NAV2: variants seen among roughly 807,000 people sequenced by gnomAD.
NAV2 encodes the protein neuron navigator 2.
NAV2 carries 54 observed loss-of-function variants against 223.2 expected under a neutral mutation model. That is an observed-to-expected ratio of 0.24 (90% CI 0.19 to 0.30). The LOEUF (loss-of-function observed/expected upper bound fraction) is 0.30. NAV2 is among the 10% of genes least tolerant of loss of function. The pLI, the probability that NAV2 is intolerant of heterozygous loss-of-function variation, is 1.00. For synonymous variants in NAV2, 1,279 were observed against 1,239.3 expected (o/e 1.03, Z -0.67); for missense variants, 2,806 against 3,147.5 (o/e 0.89, Z 2.60).
chr11:19,617,606 G>T (rs886069377), intron 1 of NAV2, among the ~76,000 whole-genome samples: 1 of 152,162 alleles, frequency 6.6e-6, no homozygotes. Context: ...GATTAAATAT[G>T]GTAGGTGTGA....
chr11:19,601,960 C>A (rs1353188206), intron 1 of NAV2, among the ~76,000 whole-genome samples: 1 of 152,188 alleles, frequency 6.6e-6, no homozygotes, highest in East Asian at 1.9e-4. Context: ...TCCTACACTG[C>A]CCAGCTCTGA....
At chr11:19,661,373 A>G (rs2048278796) in intron 1 of NAV2, among the ~76,000 whole-genome samples, 1 of 152,078 alleles carries the variant, frequency 6.6e-6, no homozygotes, top group Non-Finnish European at 1.5e-5. Flanking sequence ...GGTTGCTTCT[A>G]TATTTTGGCT....
chr11:19,400,362 C>T (rs1849632662), intron 1 of NAV2, among the ~76,000 whole-genome samples: 1 of 152,164 alleles, frequency 6.6e-6, no homozygotes, highest in Non-Finnish European at 1.5e-5. Context: ...AAGGTCCTAA[C>T]CGTGTGATAA....
chr11:19,825,289 CTCAAAAAAAAA>C (rs2059588713), intron 1 of NAV2, among the ~76,000 whole-genome samples: 1 of 52,190 alleles, frequency 1.9e-5, no homozygotes, highest in African/African-American at 8.3e-5. Context: ...GAGACTCTGT[CTCAAAAAAAAA>C]AAAAAAAAAA....
chr11:19,570,965 G>C (rs1397920868), intron 1 of NAV2, among the ~76,000 whole-genome samples: 2 of 152,158 alleles, frequency 1.3e-5, no homozygotes, highest in African/African-American at 4.8e-5. Context: ...GAGAACAAGT[G>C]TTTAAAAAAT....
intron 1 of NAV2, among the ~76,000 whole-genome samples, chr11:19,565,719 C>G (rs2045245834): frequency 1.3e-5 from 2 of 152,154 alleles, no homozygotes; most frequent in Non-Finnish European, 2.9e-5. Flanking sequence ...TTGAATACAC[C>G]ATTAAAATAA....
chr11:19,892,317 C>A, intron 5 of NAV2, 117 bp from the exon 6 acceptor site: 1 of 969,704 alleles, frequency 1.0e-6, no homozygotes, highest in Non-Finnish European at 1.5e-6. Flanking sequence ...ACTGGCAAAC[C>A]TCCACACAAT....
At chr11:19,577,431 C>T (rs993372205) in intron 1 of NAV2, among the ~76,000 whole-genome samples, 1 of 152,242 alleles carries the variant, frequency 6.6e-6, no homozygotes, top group Non-Finnish European at 1.5e-5. Context: ...AGATCTGCCA[C>T]GAGGGCGCAG....
chr11:19,880,849 G>GA (rs1363563057), intron 5 of NAV2, among the ~76,000 whole-genome samples: 4 of 151,902 alleles, frequency 2.6e-5, no homozygotes, highest in South Asian at 2.1e-4. Flanking sequence ...CTTAATGGTA[G>GA]AAAAAAAAGG....
In NAV2 at chr11:20,018,485, T is replaced by C. The variant is rs545892302; in HGVS notation, c.2769-17474T>C. Among the ~76,000 whole-genome samples the C allele has an allele frequency of 1.7e-4, 26 of 152,160 alleles. No homozygotes were observed. In the South Asian group the frequency reaches 5.2e-3, roughly 30 times the overall value. ...CCTGGAAATTCTGTGTAAAATATTGTTTGTGTATCTTTTTTCTTATGGAGA... is the reference window on the plus strand; with the variant it reads ...CCTGGAAATTCTGTGTAAAATATTGCTTGTGTATCTTTTTTCTTATGGAGA... On this transcript the variant is annotated intron_variant, in intron 11 of 37. Coordinates refer to ENST00000349880, the MANE Select transcript of NAV2 (RefSeq NM_145117.5).
At chr11:19,751,046 T>C (rs2053764379) in intron 1 of NAV2, among the ~76,000 whole-genome samples, 1 of 152,198 alleles carries the variant, frequency 6.6e-6, no homozygotes. Flanking sequence ...TCACATTCAG[T>C]GACATCATGT....
intron 6 of NAV2, among the ~76,000 whole-genome samples, chr11:19,918,550 GT>G (rs2044001001): frequency 1.3e-5 from 2 of 152,206 alleles, no homozygotes; most frequent in Admixed American, 1.3e-4. Context: ...CAACATTCTG[GT>G]TGAGTTATAT....
intron 3 of NAV2, among the ~76,000 whole-genome samples, chr11:19,863,283 C>T (rs2625324): frequency 0.89 from 135,483 of 152,222 alleles, 60,388 homozygotes; most frequent in East Asian, 1. Context: ...GTGGCCCCAT[C>T]TACTCTTGTC....
intron 1 of NAV2, among the ~76,000 whole-genome samples, chr11:19,421,787 T>TTTTTG (rs58142247): frequency 5.4e-5 from 8 of 147,198 alleles, no homozygotes; most frequent in East Asian, 4.0e-4. Flanking sequence ...TTTTTTTTTT[T>TTTTTG]GCCCAAGCAT....
At chr11:19,487,699 T>C (rs2042489788) in intron 1 of NAV2, among the ~76,000 whole-genome samples, 1 of 152,172 alleles carries the variant, frequency 6.6e-6, no homozygotes, top group Non-Finnish European at 1.5e-5. Flanking sequence ...AACTGATTCA[T>C]GCCAACAACC....
intron 1 of NAV2, among the ~76,000 whole-genome samples, chr11:19,657,969 A>T (rs1404361396): frequency 6.6e-6 from 1 of 152,230 alleles, no homozygotes; most frequent in Non-Finnish European, 1.5e-5. Context: ...TAACAATAAT[A>T]ATAGATCAGG....
In NAV2 at chr11:19,845,670, C is replaced by A. The variant is rs550935668; in HGVS notation, c.438+2747C>A. On this transcript the variant is annotated intron_variant, in intron 3 of 37. Transcript: ENST00000349880. ...AGGAGCAAGCCCTGGAAGAAGGCAC[C>A]TTTTCCTCCCTCCCTTCACTCTTCC... 5.9e-5 allele frequency among the ~76,000 whole-genome samples: 9 copies of A among 152,288 alleles called. No individual in the cohort carries two copies. The South Asian group carries it at 6.2e-4, about 11-fold the overall frequency.
intron 9 of NAV2, among the ~76,000 whole-genome samples, chr11:19,948,198 G>A (rs1048100293): frequency 3.3e-5 from 5 of 152,034 alleles, no homozygotes; most frequent in African/African-American, 1.2e-4. Context: ...CGATTCTCCT[G>A]CCTCAGCTTC....
At chr11:19,703,464 C>G (rs1171693423) in intron 1 of NAV2, among the ~76,000 whole-genome samples, 1 of 152,196 alleles carries the variant, frequency 6.6e-6, no homozygotes, top group Non-Finnish European at 1.5e-5. Context: ...GGGAGCATCG[C>G]AGCTCAGTGC....
Sources: allele counts gnomAD v4.1 joint callset (sites outside exome capture counted in the v4.1 genomes callset), GRCh38; gene constraint gnomAD v4.1.1; transcripts MANE v1.5; gene names NCBI Gene and HGNC (gene_info 2026-07-23, HGNC 2026-07-21).